TADA2A: variants seen among roughly 807,000 people sequenced by gnomAD.
The protein encoded by TADA2A is transcriptional adaptor 2A.
TADA2A carries 38 observed loss-of-function variants against 67.4 expected under a neutral mutation model. That is an observed-to-expected ratio of 0.56 (90% CI 0.44 to 0.74). The LOEUF is 0.74. Ranked by LOEUF, TADA2A falls within the 30% of genes least tolerant of loss-of-function variation. TADA2A has a pLI of 0.00. For missense variants in TADA2A, 454 were observed against 547.0 expected (o/e 0.83, Z 1.70); for synonymous variants, 192 against 181.6 (o/e 1.06, Z -0.46).
intron 11 of TADA2A, among the ~76,000 whole-genome samples, chr17:37,466,004 A>G (rs1450420761): frequency 6.6e-6 from 1 of 152,222 alleles, no homozygotes. Flanking sequence ...AAGTAGTTTT[A>G]AAAATGAGGA....
chr17:37,414,135 C>G (rs2051966447), intron 2 of TADA2A, among the ~76,000 whole-genome samples: 1 of 152,108 alleles, frequency 6.6e-6, no homozygotes, highest in Non-Finnish European at 1.5e-5. Context: ...GATCTCATTA[C>G]TTTTTTATGG....
intron 8 of TADA2A, chr17:37,454,541 C>T (rs1457788609): frequency 6.4e-6 from 1 of 156,812 alleles, no homozygotes; most frequent in Admixed American, 6.4e-5. Context: ...GATCCACCTG[C>T]CTCGGCCTCC....
intron 4 of TADA2A, among the ~76,000 whole-genome samples, chr17:37,432,201 A>G (rs906956627): frequency 6.7e-5 from 10 of 150,236 alleles, no homozygotes; most frequent in Admixed American, 6.6e-5. Context: ...GTCTTGCTCT[A>G]TTGCCCAGGC....
intron 2 of TADA2A, among the ~76,000 whole-genome samples, chr17:37,415,572 C>T (rs1356826956): frequency 6.6e-6 from 1 of 151,904 alleles, no homozygotes; most frequent in Non-Finnish European, 1.5e-5. Context: ...TTTTGTATTC[C>T]CACCAGTGAT....
chr17:37,423,670 G>A, intron 3 of TADA2A, 55 bp downstream of exon 3: 1 of 1,330,034 alleles, frequency 7.5e-7, no homozygotes, highest in Non-Finnish European at 1.1e-6. Flanking sequence ...TTTTTATGAT[G>A]TAATATTTCG....
rs1182453819 is a variant in TADA2A at position 37,407,038 on chromosome 17, G to A, written c.-98+89G>A. On this transcript the variant is annotated intron_variant, in intron 1 of 15. Transcript: ENST00000615182. ...GGGACTAGGGAGAAGCGGGGGCCAC[G>A]AGGTGCGGCGGGGGAGGAGTCGCGG... 1.7e-4 allele frequency: 25 copies of A among 147,412 alleles called. No homozygotes were observed. The South Asian group carries it at 4.3e-3, about 25-fold the overall frequency. The allele number at this position is 147,412 out of a possible 1,614,324, so 9.1% of individuals were successfully genotyped here.
chr17:37,441,150 T>G (rs911675932), intron 6 of TADA2A, among the ~76,000 whole-genome samples: 22 of 151,666 alleles, frequency 1.5e-4, no homozygotes, highest in African/African-American at 5.3e-4. Flanking sequence ...AGGAACATAC[T>G]CTAAGGGTCA....
rs760897387 is a variant in TADA2A, at chr17:37,470,496, G to A, written c.992G>A (p.Ser331Asn). Residue 331 changes from serine (S) to asparagine (N), a missense_variant, in exon 13 of 16, where the codon AGT becomes AAT. Ser to Asn is a conservative substitution (Grantham distance 46). Coordinates refer to ENST00000615182, the MANE Select transcript of TADA2A (RefSeq NM_001166105.3). ...SEVLQYIQDSSACQQWLRRQA... is the reference protein window; with the variant it reads ...SEVLQYIQDSNACQQWLRRQA... ...GTTCTCCAGTATATCCAGGACAGTAGTGCTTGCCAGCAGTGGCTCCGCCGG... is the reference window on the plus strand; with the variant it reads ...GTTCTCCAGTATATCCAGGACAGTAATGCTTGCCAGCAGTGGCTCCGCCGG... 1.9e-6 allele frequency: 3 copies of A among 1,592,402 alleles called. No homozygotes were observed. Among genetic ancestry groups the A allele is most frequent in the African/African-American group, 1.4e-5 (1 of 73,278 alleles).
At chr17:37,446,081 C>T (rs1273815164) in intron 8 of TADA2A, among the ~76,000 whole-genome samples, 3 of 137,740 alleles carry the variant, frequency 2.2e-5, no homozygotes, top group Non-Finnish European at 3.0e-5. Context: ...ATTTCTTGAG[C>T]GGTGGGTTTT....
chr17:37,474,040 T>C (rs981335975), intron 14 of TADA2A, among the ~76,000 whole-genome samples: 3 of 152,220 alleles, frequency 2.0e-5, no homozygotes, highest in Non-Finnish European at 4.4e-5. Flanking sequence ...CTGGATGACA[T>C]CTGGGCATCA....
intron 9 of TADA2A, chr17:37,461,829 T>G: frequency 2.8e-6 from 1 of 351,316 alleles, no homozygotes; most frequent in Non-Finnish European, 5.2e-6. Context: ...TATTGATTGA[T>G]TCATTCGTTC....
chr17:37,446,339 C>G (rs993043764), intron 8 of TADA2A, among the ~76,000 whole-genome samples: 1 of 152,052 alleles, frequency 6.6e-6, no homozygotes, highest in Non-Finnish European at 1.5e-5. Flanking sequence ...ATGCAGACTG[C>G]CATTCATAGA....
chr17:37,462,610 C>A (rs138018769), intron 10 of TADA2A, among the ~76,000 whole-genome samples: 1 of 149,534 alleles, frequency 6.7e-6, no homozygotes, highest in African/African-American at 2.6e-5. Flanking sequence ...CCAGCCTGGG[C>A]GATAGAGCAA....
chr17:37,440,734 G>C, intron 6 of TADA2A, 72 bp downstream of exon 6: 1 of 1,549,080 alleles, frequency 6.5e-7, no homozygotes, highest in Middle Eastern at 1.7e-4. Context: ...CAGATAAAGA[G>C]TGATTTGATG....
intron 4 of TADA2A, among the ~76,000 whole-genome samples, chr17:37,437,381 G>A (rs1829638195): frequency 6.6e-6 from 1 of 151,594 alleles, no homozygotes; most frequent in Non-Finnish European, 1.5e-5. Context: ...GTGAGCCACT[G>A]TGCCCGGCCT....
intron 9 of TADA2A, 53 bp from the exon 10 acceptor site, chr17:37,462,025 A>G: frequency 7.5e-7 from 1 of 1,329,738 alleles, no homozygotes; most frequent in South Asian, 1.2e-5. Flanking sequence ...GTAAAGCATT[A>G]GTAAATGTGA....
At chr17:37,414,098 CTCCA>C (rs1300505006) in intron 2 of TADA2A, among the ~76,000 whole-genome samples, 1 of 152,144 alleles carries the variant, frequency 6.6e-6, no homozygotes, top group Non-Finnish European at 1.5e-5. Context: ...TGACCTCCAG[CTCCA>C]TCCATGTTGC....
At chr17:37,473,251 G>T (rs958440842) in intron 14 of TADA2A, among the ~76,000 whole-genome samples, 2 of 150,942 alleles carry the variant, frequency 1.3e-5, no homozygotes, top group East Asian at 1.9e-4. Context: ...CAGATTACAG[G>T]TGTGAGCCTC....
At chr17:37,461,047 A>G (rs2053536097) in intron 9 of TADA2A, among the ~76,000 whole-genome samples, 1 of 152,110 alleles carries the variant, frequency 6.6e-6, no homozygotes, top group African/African-American at 2.4e-5. Flanking sequence ...GCAGTCCTCA[A>G]CCTTTTTGGC....
Sources: allele counts gnomAD v4.1 joint callset (sites outside exome capture counted in the v4.1 genomes callset), GRCh38; gene constraint gnomAD v4.1.1; transcripts MANE v1.5; gene names NCBI Gene and HGNC (gene_info 2026-07-23, HGNC 2026-07-21).